The following INPP4B variants were observed in gnomAD, a reference collection of about 807,000 sequenced individuals.
INPP4B encodes the protein inositol polyphosphate-4-phosphatase type II B.
INPP4B carries 55 observed loss-of-function variants against 122.5 expected under a neutral mutation model. The ratio of observed to expected loss-of-function variants is 0.45; its 90% confidence interval spans 0.36 to 0.56. The LOEUF (loss-of-function observed/expected upper bound fraction) is 0.56, where lower values mean the gene tolerates loss of function less well. Among genes scored for constraint, INPP4B ranks in the 20% least tolerant of loss-of-function variants. The pLI is 0.00. For missense variants in INPP4B, 1,000 were observed against 1,097.7 expected (o/e 0.91, Z 1.26); for synonymous variants, 403 against 388.7 (o/e 1.04, Z -0.43).
At chr4:142,735,110 T>C (rs981796667) in intron 1 of INPP4B, among the ~76,000 whole-genome samples, 2 of 152,360 alleles carry the variant, frequency 1.3e-5, no homozygotes, top group South Asian at 4.1e-4. Context: ...ACACATTCTG[T>C]TTTTAATATT....
intron 9 of INPP4B, among the ~76,000 whole-genome samples, chr4:142,274,791 T>A (rs1366626484): frequency 1.3e-5 from 2 of 151,714 alleles, no homozygotes; most frequent in Non-Finnish European, 1.5e-5. Context: ...AAAAAAACCA[T>A]GTCATTTCAG....
intron 7 of INPP4B, among the ~76,000 whole-genome samples, chr4:142,401,936 TA>T (rs1404160705): frequency 6.6e-6 from 1 of 152,218 alleles, no homozygotes; most frequent in Non-Finnish European, 1.5e-5. Context: ...CAATATAGAA[TA>T]TTTTTTTCCA....
Position 142,403,031 on chromosome 4 carries a change from C to G in INPP4B, c.279G>C (p.Leu93Phe). ...ACTCAGATGGGAATGTGACACCAGTCAAAAACAGTGGGTCCCTTGTTCCCT... is the reference window on the plus strand; with the variant it reads ...ACTCAGATGGGAATGTGACACCAGTGAAAAACAGTGGGTCCCTTGTTCCCT... ...IVEGTRDPLF[L>F]TGVTFPSEYP... is the part of the protein sequence containing the mutation. The change falls in exon 7 of 26, where the codon TTG becomes TTC. Residue 93 changes from leucine (L) to phenylalanine (F), a missense_variant. By Grantham distance (22) the Leu-to-Phe change is conservative (BLOSUM62 0). Transcript: ENST00000262992. The G allele has an allele frequency of 6.2e-7, 1 of 1,608,752 alleles. No individual in the cohort carries two copies. Among genetic ancestry groups the G allele is most frequent in the South Asian group, 1.1e-5 (1 of 90,940 alleles).
chr4:142,339,022 C>T (rs1777808434), intron 7 of INPP4B, among the ~76,000 whole-genome samples: 1 of 152,158 alleles, frequency 6.6e-6, no homozygotes. Flanking sequence ...TTGCTGTCTT[C>T]CTGCTGGGTA....
At chr4:142,658,505 G>T (rs1754564791) in intron 2 of INPP4B, among the ~76,000 whole-genome samples, 1 of 152,176 alleles carries the variant, frequency 6.6e-6, no homozygotes, top group Non-Finnish European at 1.5e-5. Context: ...AATTAAGCAA[G>T]GTATAATCCT....
intron 5 of INPP4B, among the ~76,000 whole-genome samples, chr4:142,416,982 A>G (rs1163197058): frequency 6.6e-6 from 1 of 152,174 alleles, no homozygotes; most frequent in Non-Finnish European, 1.5e-5. Context: ...AATTACTTGG[A>G]GCAAAATCCA....
At position 142,124,608 on chromosome 4, in the gene INPP4B, C is replaced by G. The variant is rs371664647; in HGVS notation, c.1873G>C (p.Asp625His). 6.2e-7 allele frequency: 1 copy of G among 1,613,304 alleles called. No individual in the cohort carries two copies. Among genetic ancestry groups the G allele is most frequent in the Non-Finnish European group, 8.5e-7 (1 of 1,179,572 alleles). Residue 625 changes from aspartate (D) to histidine (H), a missense_variant, in exon 19 of 26, where the codon GAC becomes CAC. Asp to His is a moderately conservative substitution (Grantham distance 81, BLOSUM62 -1). Transcript: ENST00000262992. The part of the protein sequence containing the change: ...PQCLMLTLRR[D>H]IVFSQALAGL... ...CCTACTGCTTGGCTGAAGACGATGT[C>G]TCTTCTTAGCGTCAGCATCAGACAC...
At chr4:142,401,407 G>A (rs973227190) in intron 7 of INPP4B, among the ~76,000 whole-genome samples, 1 of 152,042 alleles carries the variant, frequency 6.6e-6, no homozygotes. Context: ...AAACTCCCAG[G>A]CAAATATTTT....
intron 1 of INPP4B, among the ~76,000 whole-genome samples, chr4:142,781,630 A>T (rs1774839553): frequency 1.3e-5 from 2 of 152,192 alleles, no homozygotes; most frequent in South Asian, 4.1e-4. Flanking sequence ...GGAGAAGTAT[A>T]AAAAAACCAA....
intron 2 of INPP4B, among the ~76,000 whole-genome samples, chr4:142,701,553 G>A (rs1178384624): frequency 6.6e-6 from 1 of 151,508 alleles, no homozygotes; most frequent in Non-Finnish European, 1.5e-5. Flanking sequence ...ATTTGTCTTG[G>A]TAACAGTTTG....
chr4:142,355,071 TCTCTCTCTGTGCAAACTTTCAC>T (rs1457442860), intron 7 of INPP4B, among the ~76,000 whole-genome samples: 1 of 151,878 alleles, frequency 6.6e-6, no homozygotes, highest in Non-Finnish European at 1.5e-5. Context: ...ACTGCGAAGC[TCTCTCTCTGTGCAAACTTTCAC>T]CTGGACTTTT....
At chr4:142,475,049 C>T (rs945913099) in intron 2 of INPP4B, among the ~76,000 whole-genome samples, 1 of 152,170 alleles carries the variant, frequency 6.6e-6, no homozygotes, top group African/African-American at 2.4e-5. Flanking sequence ...CCAGGAAGCA[C>T]AACTACAGCA....
At chr4:142,532,209 T>G (rs1267353505) in intron 2 of INPP4B, among the ~76,000 whole-genome samples, 1 of 152,204 alleles carries the variant, frequency 6.6e-6, no homozygotes, top group African/African-American at 2.4e-5. Context: ...AAAAACCACT[T>G]GAGGGCCTGC....
At chr4:142,465,474 AT>A (rs1817594318) in intron 2 of INPP4B, among the ~76,000 whole-genome samples, 1 of 152,210 alleles carries the variant, frequency 6.6e-6, no homozygotes, top group Non-Finnish European at 1.5e-5. Flanking sequence ...GAAAATTTGA[AT>A]TTCTATGCTA....
At chr4:142,649,531 G>C (rs1752496054) in intron 2 of INPP4B, among the ~76,000 whole-genome samples, 1 of 151,946 alleles carries the variant, frequency 6.6e-6, no homozygotes, top group South Asian at 2.1e-4. Context: ...ACCTTAAATG[G>C]AGCTAAAAAC....
chr4:142,099,616 G>A (rs1783601414), intron 23 of INPP4B, among the ~76,000 whole-genome samples: 1 of 152,004 alleles, frequency 6.6e-6, no homozygotes, highest in Non-Finnish European at 1.5e-5. Context: ...ATGTCTTCAA[G>A]TTTATTAAAA....
At chr4:142,240,413 A>G (rs1298932041) in intron 11 of INPP4B, among the ~76,000 whole-genome samples, 1 of 152,144 alleles carries the variant, frequency 6.6e-6, no homozygotes, top group Non-Finnish European at 1.5e-5. Context: ...TTAAACAGAA[A>G]TCAAGGGTGG....
chr4:142,836,746 A>ACAC (rs1561124907), intron 1 of INPP4B, among the ~76,000 whole-genome samples: 1 of 151,860 alleles, frequency 6.6e-6, no homozygotes, highest in Non-Finnish European at 1.5e-5. Context: ...ACACACACAC[A>ACAC]AGAAATACGA....
intron 16 of INPP4B, among the ~76,000 whole-genome samples, chr4:142,169,411 G>C (rs1245504430): frequency 6.6e-6 from 1 of 151,536 alleles, no homozygotes; most frequent in Non-Finnish European, 1.5e-5. Context: ...AGTGGTTACA[G>C]TGAATAAACA....
Sources: gnomAD v4.1 joint callset for allele counts (sites outside exome capture counted in the v4.1 genomes callset) on GRCh38, gnomAD v4.1.1 for gene constraint, MANE v1.5 for transcripts, NCBI Gene and HGNC (gene_info 2026-07-23, HGNC 2026-07-21) for gene names.